The following LRMDA variants were observed in gnomAD, a reference collection of about 807,000 sequenced individuals.
The protein encoded by LRMDA is leucine-rich melanocyte differentiation-associated protein.
In LRMDA, 18 loss-of-function variants were observed where a neutral mutation model predicts 29.8. That is an observed-to-expected ratio of 0.60 (90% CI 0.42 to 0.90). LRMDA has a LOEUF of 0.90. Among genes scored for constraint, LRMDA ranks in the 40% least tolerant of loss-of-function variants. LRMDA has a pLI of 0.00. For missense variants in LRMDA, 273 were observed against 273.9 expected (o/e 1.00, Z 0.02); for synonymous variants, 125 against 109.4 (o/e 1.14, Z -0.89).
intron 2 of LRMDA, among the ~76,000 whole-genome samples, chr10:75,916,197 G>GTGTGTGT (rs1263543620): frequency 2.0e-5 from 2 of 101,170 alleles, no homozygotes; most frequent in African/African-American, 7.1e-5. Flanking sequence ...TGTGTGTGTG[G>GTGTGTGT]GTGGGTGTGC....
chr10:76,286,397 C>T (rs1243263541), intron 5 of LRMDA, among the ~76,000 whole-genome samples: 1 of 152,134 alleles, frequency 6.6e-6, no homozygotes, highest in African/African-American at 2.4e-5. Context: ...AGTCTTGGGG[C>T]CTTCATTGTT....
intron 6 of LRMDA, among the ~76,000 whole-genome samples, chr10:76,420,476 TAA>T (rs1396639198): frequency 1.3e-5 from 2 of 152,038 alleles, no homozygotes; most frequent in Non-Finnish European, 2.9e-5. Context: ...TATAATTTTA[TAA>T]GTCTTAAAAA....
At chr10:76,140,665 G>A (rs924097602) in intron 5 of LRMDA, among the ~76,000 whole-genome samples, 4 of 151,980 alleles carry the variant, frequency 2.6e-5, no homozygotes, top group Non-Finnish European at 4.4e-5. Flanking sequence ...CTCACCTTCT[G>A]TTTCTCTCCC....
intron 2 of LRMDA, among the ~76,000 whole-genome samples, chr10:75,555,298 C>T (rs866605517): frequency 3.3e-5 from 5 of 152,196 alleles, no homozygotes; most frequent in African/African-American, 1.2e-4. Flanking sequence ...CTCTTGAGTA[C>T]AGCCTTCAGT....
chr10:76,450,137 A>G (rs1231597822), intron 6 of LRMDA, among the ~76,000 whole-genome samples: 1 of 152,092 alleles, frequency 6.6e-6, no homozygotes, highest in Non-Finnish European at 1.5e-5. Flanking sequence ...GAGAATAAAA[A>G]TGATTAATGT....
chr10:75,897,817 C>CTTTTTTTTTTTTTTTTTTTT (rs3042518), intron 2 of LRMDA, among the ~76,000 whole-genome samples: 1 of 78,420 alleles, frequency 1.3e-5, no homozygotes, highest in Non-Finnish European at 2.2e-5. Context: ...TTCTTCCTGC[C>CTTTTTTTTTTTTTTTTTTTT]TTTTTTTTTT....
At chr10:75,783,574 T>C (rs1016170437) in intron 2 of LRMDA, among the ~76,000 whole-genome samples, 2 of 151,554 alleles carry the variant, frequency 1.3e-5, no homozygotes, top group African/African-American at 4.8e-5. Context: ...AGAAATAGAC[T>C]CAGCTTTAGA....
At position 76,030,424 on chromosome 10, in the gene LRMDA, T is replaced by G. The variant is rs1345315212; in HGVS notation, c.132-5584T>G. Among the ~76,000 whole-genome samples, 7 of 152,322 alleles carry G rather than the reference T, an allele frequency of 4.6e-5. No homozygotes were observed. The East Asian group carries it at 1.3e-3, about 29-fold the overall frequency. On this transcript the variant is annotated intron_variant, in intron 2 of 6. Coordinates refer to ENST00000611255, the MANE Select transcript of LRMDA (RefSeq NM_001305581.2). ...ATAGAGTTACGTATCTATGTCTGTC[T>G]TTATCCATACATTTAAGGATATAAA...
At chr10:76,514,878 T>A (rs551055025) in intron 6 of LRMDA, among the ~76,000 whole-genome samples, 1 of 152,302 alleles carries the variant, frequency 6.6e-6, no homozygotes, top group East Asian at 1.9e-4. Context: ...ATGAAGATAG[T>A]GCTTTTGTTC....
At chr10:75,981,114 T>C (rs1426600005) in intron 2 of LRMDA, among the ~76,000 whole-genome samples, 1 of 152,194 alleles carries the variant, frequency 6.6e-6, no homozygotes, top group Non-Finnish European at 1.5e-5. Flanking sequence ...GGTTCACTTT[T>C]ACATTCTTAA....
In LRMDA at chr10:76,379,874, G is replaced by A. The variant is rs113712460; in HGVS notation, c.601+55389G>A. ...CCATAAACTTTCCTCTTAGCACCACGTTTGCTGTATTCTAGAGGTTTTGGT... is the reference window on the plus strand; with the variant it reads ...CCATAAACTTTCCTCTTAGCACCACATTTGCTGTATTCTAGAGGTTTTGGT... On this transcript the variant is annotated intron_variant, in intron 6 of 6. Transcript: ENST00000611255. Among the ~76,000 whole-genome samples, 39 of 152,096 alleles carry A rather than the reference G, an allele frequency of 2.6e-4. No homozygotes were observed. In the South Asian group the frequency reaches 4.8e-3, roughly 19 times the overall value.
At chr10:76,238,173 A>C (rs182242257) in intron 5 of LRMDA, among the ~76,000 whole-genome samples, 1 of 152,214 alleles carries the variant, frequency 6.6e-6, no homozygotes, top group African/African-American at 2.4e-5. Context: ...AGGCCTAATA[A>C]ATAGTCCCCA....
chr10:76,327,976 T>C (rs1453776587), intron 6 of LRMDA, among the ~76,000 whole-genome samples: 1 of 152,178 alleles, frequency 6.6e-6, no homozygotes, highest in Non-Finnish European at 1.5e-5. Context: ...AAGTAACTGA[T>C]GGAATTATTT....
chr10:75,764,872 G>GAT (rs1843142481), intron 2 of LRMDA, among the ~76,000 whole-genome samples: 1 of 151,610 alleles, frequency 6.6e-6, no homozygotes, highest in Non-Finnish European at 1.5e-5. Context: ...GGAAACAATG[G>GAT]GATCCTTCAA....
At chr10:75,742,217 T>C (rs1199136294) in intron 2 of LRMDA, among the ~76,000 whole-genome samples, 2 of 152,208 alleles carry the variant, frequency 1.3e-5, no homozygotes, top group Non-Finnish European at 1.5e-5. Context: ...CATACACATA[T>C]CATGAGATTG....
intron 2 of LRMDA, among the ~76,000 whole-genome samples, chr10:75,901,101 T>C (rs1170597442): frequency 6.6e-6 from 1 of 152,092 alleles, no homozygotes; most frequent in Admixed American, 6.5e-5. Flanking sequence ...GAAAGGGAGA[T>C]GCAAGAGGAG....
intron 2 of LRMDA, among the ~76,000 whole-genome samples, chr10:75,852,326 GAC>G (rs1844745471): frequency 6.6e-6 from 1 of 152,164 alleles, no homozygotes; most frequent in Non-Finnish European, 1.5e-5. Context: ...GGTATGAAGT[GAC>G]ACATAATTTT....
At chr10:75,502,497 C>G (rs776692783) in intron 2 of LRMDA, among the ~76,000 whole-genome samples, 6 of 151,994 alleles carry the variant, frequency 3.9e-5, no homozygotes, top group Non-Finnish European at 7.4e-5. Flanking sequence ...TACTCTTATA[C>G]AGAGAAGAGG....
Position 75,974,128 on chromosome 10 carries a change from C to A in LRMDA, c.132-61880C>A, listed in dbSNP as rs146603386. 2.6e-5 allele frequency among the ~76,000 whole-genome samples: 4 copies of A among 152,264 alleles called. No homozygotes were observed. In the East Asian group the frequency reaches 7.7e-4, roughly 29 times the overall value. ...GTGGTATTCCATTGTCCCCAGTTTTCTTCTTCTTTCTTCTGTTAATTTCCC... is the reference window on the plus strand; with the variant it reads ...GTGGTATTCCATTGTCCCCAGTTTTATTCTTCTTTCTTCTGTTAATTTCCC... On this transcript the variant is annotated intron_variant, in intron 2 of 6. Transcript: ENST00000611255.
Sources: allele counts gnomAD v4.1 joint callset (sites outside exome capture counted in the v4.1 genomes callset), GRCh38; gene constraint gnomAD v4.1.1; transcripts MANE v1.5; gene names NCBI Gene and HGNC (gene_info 2026-07-23, HGNC 2026-07-21).